ITFG2: variants seen among roughly 807,000 people sequenced by gnomAD.
ITFG2 encodes integrin alpha FG-GAP repeat containing 2.
Under a neutral mutation model 54.4 loss-of-function variants are expected in ITFG2, and 36 were observed. The ratio of observed to expected loss-of-function variants is 0.66; its 90% CI spans 0.51 to 0.87. ITFG2 has a LOEUF of 0.87. Ranked by LOEUF, ITFG2 falls within the 40% of genes least tolerant of loss-of-function variation. The pLI is 0.00. For missense variants in ITFG2, 524 were observed against 576.7 expected (o/e 0.91, Z 0.94); for synonymous variants, 211 against 225.4 (o/e 0.94, Z 0.57).
chr12:2,834,537 C>T (rs982812609), upstream of ITFG2: 1 of 1,463,622 alleles, frequency 6.8e-7, no homozygotes, highest in Non-Finnish European at 9.0e-7. Context: ...GGAGCGGGAC[C>T]TGAAAGCTGA....
intron 1 of ITFG2, among the ~76,000 whole-genome samples, chr12:2,838,094 A>G (rs375640275): frequency 9.9e-5 from 15 of 152,194 alleles, no homozygotes; most frequent in African/African-American, 2.6e-4. Context: ...CTTGACATCC[A>G]TTACCACCAT....
chr12:2,828,737 G>T (rs1193013042), downstream of ITFG2, among the ~76,000 whole-genome samples: 1 of 152,176 alleles, frequency 6.6e-6, no homozygotes, highest in Non-Finnish European at 1.5e-5. Context: ...AGCTACTCGG[G>T]AGGCTGAGGC....
exon 1 of ITFG2, chr12:2,836,813 G>C (rs1320490926): frequency 6.6e-6 from 1 of 152,224 alleles, no homozygotes; most frequent in Non-Finnish European, 1.5e-5. Context: ...TCGGGATAAT[G>C]CATCTGCAAG....
At chr12:2,857,148 A>C (rs552871479) in intron 2 of ITFG2, 13 of 695,590 alleles carry the variant, frequency 1.9e-5, no homozygotes, top group African/African-American at 1.2e-4. Context: ...AGAGGCCCTC[A>C]CCTGTCCCTG....
At chr12:2,834,218 G>A (rs955422999), upstream of ITFG2, among the ~76,000 whole-genome samples, 2 of 152,196 alleles carry the variant, frequency 1.3e-5, no homozygotes, top group African/African-American at 2.4e-5. Context: ...TGAGGAGAAA[G>A]GACAAGTGGA....
exon 4 of ITFG2, chr12:2,859,643 C>T: frequency 1.2e-6 from 2 of 1,608,958 alleles, no homozygotes; most frequent in Non-Finnish European, 1.7e-6. Flanking sequence ...GAGGAGCTAT[C>T]CCCTCCTCAG....
rs557855083 is a variant in ITFG2, at chr12:2,850,852, A to C, written n.301-7160A>C. ...CTCCTGGCTAATTTTTTATATTTTTAGTAGAGATGGGGTTTCCCCATGTTG... is the reference window on the plus strand; with the variant it reads ...CTCCTGGCTAATTTTTTATATTTTTCGTAGAGATGGGGTTTCCCCATGTTG... On this transcript the variant is annotated intron_variant and non_coding_transcript_variant, in intron 2 of 3. Transcript: ENST00000537710. 7.3e-5 allele frequency among the ~76,000 whole-genome samples: 11 copies of C among 150,518 alleles called. 1 individual carries two copies. The highest frequency in any genetic ancestry group is 2.7e-4 in the African/African-American group (11 of 41,064).
At position 2,812,692 on chromosome 12, in the gene ITFG2, C is replaced by G; in HGVS notation, c.-69C>G. On this transcript the variant is annotated 5_prime_UTR_variant, in exon 1 of 12. Transcript: ENST00000228799. ...TGCCTTAGGTGGCCTTCCGCTCTGG[C>G]GGCTGTCGCGACGGGGGTTCAGGGA... 1 of 1,378,490 alleles carries G rather than the reference C, an allele frequency of 7.3e-7. No homozygotes were observed. The allele number at this position is 1,378,490 out of a possible 1,614,324, so 85.4% of individuals were successfully genotyped here.
chr12:2,842,195 C>G (rs927805579), intron 2 of ITFG2, among the ~76,000 whole-genome samples: 7 of 134,544 alleles, frequency 5.2e-5, no homozygotes, highest in African/African-American at 2.0e-4. Context: ...GATCTCGGCT[C>G]ACTGCAACGT....
chr12:2,857,224 C>T (rs1012428652), intron 2 of ITFG2: 13 of 594,030 alleles, frequency 2.2e-5, no homozygotes, highest in Non-Finnish European at 3.6e-5. Context: ...ATAGCACTTT[C>T]TTCAAGTTCT....
At chr12:2,842,141 A>C (rs1321728040) in intron 2 of ITFG2, among the ~76,000 whole-genome samples, 1 of 15,474 alleles carries the variant, frequency 6.5e-5, no homozygotes, top group Non-Finnish European at 1.1e-4. Context: ...TTTTTTTTTG[A>C]GATGGAGTCT....
intron 2 of ITFG2, chr12:2,817,653 C>G: frequency 1.9e-6 from 1 of 521,544 alleles, no homozygotes; most frequent in Middle Eastern, 4.9e-4. Context: ...TAGCCTAGCT[C>G]TATTAAATAC....
intron 1 of ITFG2, among the ~76,000 whole-genome samples, chr12:2,813,976 C>T (rs1234489024): frequency 1.3e-5 from 2 of 152,150 alleles, no homozygotes; most frequent in Non-Finnish European, 2.9e-5. Context: ...CAGGGTCTCA[C>T]TCTGTTGCCC....
Position 2,857,150 on chromosome 12 carries a change from C to G in ITFG2, n.301-862C>G, listed in dbSNP as rs1306466440. 3 of 695,112 alleles carry G rather than the reference C, an allele frequency of 4.3e-6. No homozygotes were observed. The African/African-American group carries it at 5.3e-5, about 12-fold the overall frequency. The allele number at this position is 695,112 out of a possible 1,614,324, so 43.1% of individuals were successfully genotyped here. A position where few individuals can be genotyped will look rare whatever the true frequency, so the allele number is the denominator to read the frequency against. ...GGTGATGCAGAGAAGAGGCCCTCAC[C>G]TGTCCCTGGAGCCTCTTGTGACCCT... On this transcript the variant is annotated intron_variant and non_coding_transcript_variant, in intron 2 of 3. Transcript: ENST00000537710.
chr12:2,842,846 A>G (rs948321908), intron 2 of ITFG2, among the ~76,000 whole-genome samples: 3 of 152,134 alleles, frequency 2.0e-5, no homozygotes, highest in African/African-American at 7.2e-5. Flanking sequence ...TAGAATCTCA[A>G]TTCTCTCAGG....
intron 3 of ITFG2, chr12:2,858,356 G>A (rs774228254): frequency 4.9e-6 from 2 of 406,354 alleles, no homozygotes; most frequent in South Asian, 9.8e-5. Context: ...GGCAGAGAAT[G>A]GAAACAGGCT....
At chr12:2,821,838 A>C (rs759052280) in intron 9 of ITFG2, 46 bp downstream of exon 9, 14 of 1,386,218 alleles carry the variant, frequency 1.0e-5, no homozygotes, top group Non-Finnish European at 2.0e-6. Context: ...CGTTTTCCAC[A>C]TGGAGAGATG....
intron 2 of ITFG2, chr12:2,856,966 G>A (rs769370652): frequency 1.3e-5 from 9 of 702,928 alleles, no homozygotes; most frequent in Middle Eastern, 2.3e-4. Flanking sequence ...TGCAGGAAAG[G>A]TTCTTCCATA....
At chr12:2,822,990 C>T (rs967717763) in intron 10 of ITFG2, 79 bp downstream of exon 10, 2 of 1,004,094 alleles carry the variant, frequency 2.0e-6, no homozygotes, top group Middle Eastern at 2.1e-4. Context: ...GAAGTGTTTG[C>T]CCCTCACTTC....
Sources: gnomAD v4.1 joint callset for allele counts (sites outside exome capture counted in the v4.1 genomes callset) on GRCh38, gnomAD v4.1.1 for gene constraint, MANE v1.5 for transcripts, NCBI Gene and HGNC (gene_info 2026-07-23, HGNC 2026-07-21) for gene names.